FAM228B: variants seen among roughly 807,000 people sequenced by gnomAD.
The protein encoded by FAM228B is protein FAM228B.
Under a neutral mutation model 42.6 loss-of-function variants are expected in FAM228B, and 38 were observed. That is an observed-to-expected ratio of 0.89 (90% CI 0.69 to 1.17). The LOEUF is 1.17. FAM228B is among the 50% of genes most tolerant of loss of function. FAM228B has a pLI of 0.00. For synonymous variants in FAM228B, 109 were observed against 122.3 expected (o/e 0.89, Z 0.72); for missense variants, 344 against 367.3 (o/e 0.94, Z 0.52).
intron 3 of FAM228B, among the ~76,000 whole-genome samples, chr2:24,114,670 A>G (rs141246985): frequency 5.1e-4 from 78 of 152,268 alleles, no homozygotes; most frequent in South Asian, 1.0e-3. Flanking sequence ...GGACATCTGA[A>G]GGGTATACCA....
chr2:24,122,396 G>T, upstream of FAM228B: 1 of 1,497,048 alleles, frequency 6.7e-7, no homozygotes, highest in Non-Finnish European at 9.3e-7. Flanking sequence ...TCAAGTCTTA[G>T]GTCCAAACTT....
intron 10 of FAM228B, 141 bp downstream of exon 10, chr2:24,167,824 T>A: frequency 1.1e-6 from 1 of 931,536 alleles, no homozygotes; most frequent in Non-Finnish European, 1.6e-6. Flanking sequence ...TCTTACCTAT[T>A]AATTTTATGA....
intron 7 of FAM228B, among the ~76,000 whole-genome samples, chr2:24,147,829 C>T (rs1002933591): frequency 1.3e-5 from 2 of 151,946 alleles, no homozygotes; most frequent in African/African-American, 4.8e-5. Flanking sequence ...TTAAAACTCC[C>T]TATCTGGTAG....
intron 2 of FAM228B, among the ~76,000 whole-genome samples, chr2:24,087,690 A>C (rs527394727): frequency 1.3e-5 from 2 of 151,962 alleles, no homozygotes; most frequent in South Asian, 4.2e-4. Flanking sequence ...AGTTCACTGC[A>C]ACCTCCACCT....
intron 3 of FAM228B, among the ~76,000 whole-genome samples, chr2:24,117,432 G>C (rs1665956349): frequency 6.6e-6 from 1 of 150,820 alleles, no homozygotes; most frequent in South Asian, 2.1e-4. Flanking sequence ...AATGGTCATA[G>C]TTCTTCTTCT....
chr2:24,127,450 T>C (rs891164701), intron 2 of FAM228B, among the ~76,000 whole-genome samples: 4 of 152,222 alleles, frequency 2.6e-5, no homozygotes, highest in South Asian at 4.1e-4. Context: ...CTCTTGGGTA[T>C]GTAACCTAGG....
chr2:24,156,212 T>G lies in FAM228B; in HGVS notation c.687-5294T>G, dbSNP rs529464442. On this transcript the variant is annotated intron_variant, in intron 7 of 10. Transcript: ENST00000615575. ...TGAGCGAGTCGTGCTTGTCATCTTTTGCATCTAACTTGCTTTTTTTGTGTT... is the reference window on the plus strand; with the variant it reads ...TGAGCGAGTCGTGCTTGTCATCTTTGGCATCTAACTTGCTTTTTTTGTGTT... Among the ~76,000 whole-genome samples, 4 of 152,370 alleles carry G rather than the reference T, an allele frequency of 2.6e-5. No homozygotes were observed. The East Asian group carries it at 7.7e-4, about 29-fold the overall frequency.
chr2:24,084,340 A>ACAGGGCAGGG lies in FAM228B; in HGVS notation c.-210+3395_-210+3404dup, dbSNP rs755835447. 382 of 1,476,424 alleles carry ACAGGGCAGGG rather than the reference A, an allele frequency of 2.6e-4. 1 individual carries two copies. The highest frequency in any genetic ancestry group is 2.1e-3 in the Admixed American group (120 of 56,668). 91.5% of individuals were successfully genotyped at this position (1,476,424 alleles called of 1,614,324 possible). A position where few individuals can be genotyped will look rare whatever the true frequency, so the allele number is the denominator to read the frequency against. Reference sequence around the variant, plus strand: ...CACGGCTAACATATTGTCTGAGGACACAGGGCAGGGCAGGGCAGGACAGGA... The same window carrying ACAGGGCAGGG: ...CACGGCTAACATATTGTCTGAGGACACAGGGCAGGGCAGGGCAGGGCAGGGCAGGACAGGA... On this transcript the variant is annotated intron_variant, in intron 2 of 10. Transcript: ENST00000613899. This position sits in a 1 kb window ranked among gnomAD's most constrained non-coding sequence, Gnocchi z 8.4.
At chr2:24,168,814 G>A (rs1017183041) in intron 10 of FAM228B, among the ~76,000 whole-genome samples, 2 of 152,140 alleles carry the variant, frequency 1.3e-5, no homozygotes, top group Non-Finnish European at 2.9e-5. Context: ...GACTCAGGTG[G>A]ACAGGACACT....
chr2:24,149,093 G>C (rs1004595380), intron 7 of FAM228B, among the ~76,000 whole-genome samples: 1 of 152,174 alleles, frequency 6.6e-6, no homozygotes, highest in Non-Finnish European at 1.5e-5. Flanking sequence ...ACTCCATTGC[G>C]TGTAAGTGCA....
At chr2:24,111,999 A>C (rs574999610) in intron 3 of FAM228B, among the ~76,000 whole-genome samples, 93 of 152,362 alleles carry the variant, frequency 6.1e-4, no homozygotes, top group African/African-American at 2.1e-3. Flanking sequence ...CTAAGGAAAT[A>C]ATCAGAGATA....
At position 24,146,968 on chromosome 2, in the gene FAM228B, A is replaced by C. The variant is rs1666909544; in HGVS notation, c.568A>C (p.Lys190Gln). 6.4e-7 allele frequency: 1 copy of C among 1,551,440 alleles called. No individual in the cohort carries two copies. The highest frequency in any genetic ancestry group is 2.4e-5 in the East Asian group (1 of 40,874). ...AATAAAGGAATTCAAAGAAGTTGAG[A>C]AGGTTCAGCTGCATTCCAGATTCCC... The part of the protein sequence containing the change: ...YSIKEFKEVE[K>Q]VQLHSRFPQI... The change falls in exon 7 of 11, where the codon AAG becomes CAG. Residue 190 changes from lysine (K) to glutamine (Q), a missense_variant. Transcript: ENST00000615575.
intron 3 of FAM228B, among the ~76,000 whole-genome samples, chr2:24,100,124 G>T (rs1379508111): frequency 1.3e-5 from 2 of 152,020 alleles, no homozygotes; most frequent in Non-Finnish European, 1.5e-5. Flanking sequence ...AATTCAAGAT[G>T]GATTAAAGAC....
intron 7 of FAM228B, among the ~76,000 whole-genome samples, chr2:24,155,540 T>A (rs1285167708): frequency 6.2e-5 from 7 of 112,502 alleles, no homozygotes; most frequent in African/African-American, 1.7e-4. Flanking sequence ...TATTTTTTTT[T>A]TTTTTTTTTT....
intron 2 of FAM228B, among the ~76,000 whole-genome samples, chr2:24,092,524 G>A (rs1188701280): frequency 6.7e-6 from 1 of 149,942 alleles, no homozygotes; most frequent in Non-Finnish European, 1.5e-5. Context: ...GCAGTGAGCC[G>A]AGATCGCGCC....
At chr2:24,087,051 A>G (rs910893485) in intron 2 of FAM228B, among the ~76,000 whole-genome samples, 1 of 152,190 alleles carries the variant, frequency 6.6e-6, no homozygotes, top group Non-Finnish European at 1.5e-5. Context: ...AAATCTAATA[A>G]TACCAACCAC....
At chr2:24,117,354 CCTGT>C (rs1157410931) in intron 3 of FAM228B, among the ~76,000 whole-genome samples, 6 of 152,098 alleles carry the variant, frequency 3.9e-5, no homozygotes, top group South Asian at 4.1e-4. Context: ...GCATCCTTTT[CCTGT>C]CTATTTAAAG....
intron 7 of FAM228B, among the ~76,000 whole-genome samples, chr2:24,160,526 T>C (rs1051785920): frequency 6.6e-6 from 1 of 152,206 alleles, no homozygotes; most frequent in Non-Finnish European, 1.5e-5. Context: ...CCTCTTTGTA[T>C]ATATTTTCCA....
At position 24,129,676 on chromosome 2, in the gene FAM228B, A is replaced by G. The variant is rs116110485; in HGVS notation, c.99+5216A>G. On this transcript the variant is annotated intron_variant, in intron 2 of 10. Transcript: ENST00000615575. The stretch of plus-strand genomic sequence containing the variant: ...AACTGTATTTTCCACTTGGTTTTTT[A>G]TCATTTCTATTCTCTGCTAAGATTT... Among the ~76,000 whole-genome samples, 1,126 of 150,028 alleles carry G rather than the reference A, an allele frequency of 7.5e-3. 7 individuals carry two copies. The highest frequency in any genetic ancestry group is 0.013 in the Non-Finnish European group (888 of 67,954).
Sources: gnomAD v4.1 joint callset for allele counts (sites outside exome capture counted in the v4.1 genomes callset) on GRCh38, gnomAD v4.1.1 for gene constraint, Gnocchi (gnomAD v3.1) non-coding constraint, MANE v1.5 for transcripts, NCBI Gene and HGNC (gene_info 2026-07-23, HGNC 2026-07-21) for gene names.